IL33: variants seen among roughly 807,000 people sequenced by gnomAD.
The protein encoded by IL33 is interleukin 33.
IL33 carries 37 observed loss-of-function variants against 27.3 expected under a neutral mutation model. The observed-to-expected ratio is 1.36, with a 90% CI of 1.04 to 1.78. IL33 has a LOEUF of 1.78. IL33 is among the 40% of genes most tolerant of loss of function. The pLI is 0.00. For synonymous variants in IL33, 132 were observed against 102.9 expected, an observed-to-expected ratio of 1.28 and a Z score of -1.71; for missense variants, 406 against 311.4, an observed-to-expected ratio of 1.30 and a Z score of -2.29.
At chr9:6,248,764 A>T (rs960081539) in intron 2 of IL33, among the ~76,000 whole-genome samples, 2 of 151,410 alleles carry the variant, frequency 1.3e-5, no homozygotes, top group Non-Finnish European at 2.9e-5. Context: ...AATTTTTTGT[A>T]GAGACGGTCT....
chr9:6,252,988 A>T lies in IL33; in HGVS notation c.466A>T (p.Lys156Ter). 1 of 1,510,452 alleles carries T rather than the reference A, an allele frequency of 6.6e-7. No homozygotes were observed. The highest frequency in any genetic ancestry group is 9.0e-7 in the Non-Finnish European group (1 of 1,109,562). The allele number at this position is 1,510,452 out of a possible 1,614,324, so 93.6% of individuals were successfully genotyped here. Reference protein sequence around the residue: ...YVEDLKKDEKKDKVLLSYYES... With the variant: ...YVEDLKKDEK ...TGAAGACTTGAAAAAAGATGAAAAG[A>T]AAGGTAGATTATTTTCTTTTTCTAT... The change falls in exon 5 of 8, where the codon AAA (lysine) becomes TAA (stop). Residue 156 changes from lysine to a stop codon, truncating the protein, a stop_gained. Transcript: ENST00000682010. LOFTEE classifies it high-confidence loss of function.
chr9:6,243,999 T>G (rs1033157287), intron 2 of IL33, among the ~76,000 whole-genome samples: 2 of 152,208 alleles, frequency 1.3e-5, no homozygotes, highest in Non-Finnish European at 2.9e-5. Flanking sequence ...GTCAAAATGC[T>G]CTCTGTAGAA....
chr9:6,253,464 G>C, intron 5 of IL33, 88 bp from the exon 6 acceptor site: 1 of 839,610 alleles, frequency 1.2e-6, no homozygotes, highest in Non-Finnish European at 1.9e-6. Flanking sequence ...TAAAAGGGGA[G>C]GATATTTTCT....
intron 2 of IL33, among the ~76,000 whole-genome samples, chr9:6,243,292 AG>A (rs1203266426): frequency 1.3e-5 from 2 of 152,314 alleles, no homozygotes; most frequent in East Asian, 1.9e-4. Flanking sequence ...CTGAGATTAA[AG>A]GGCTGTATAA....
At chr9:6,228,315 A>G (rs1230449044) in intron 1 of IL33, among the ~76,000 whole-genome samples, 6 of 152,110 alleles carry the variant, frequency 3.9e-5, no homozygotes, top group African/African-American at 1.4e-4. Flanking sequence ...ATAAAAAACA[A>G]AAACAAAAAA....
At chr9:6,231,242 C>T (rs1428697495) in intron 1 of IL33, among the ~76,000 whole-genome samples, 1 of 152,164 alleles carries the variant, frequency 6.6e-6, no homozygotes, top group South Asian at 2.1e-4. Flanking sequence ...CTTCTCAATG[C>T]ACTCTGAATG....
At chr9:6,225,189 T>G (rs1296025316) in intron 1 of IL33, among the ~76,000 whole-genome samples, 1 of 152,208 alleles carries the variant, frequency 6.6e-6, no homozygotes, top group South Asian at 2.1e-4. Context: ...CCAAAAAATG[T>G]GAGCAGTTTC....
chr9:6,252,690 T>G (rs149045797), intron 4 of IL33, among the ~76,000 whole-genome samples, 176 bp from the exon 5 acceptor site: 302 of 152,298 alleles, frequency 2.0e-3, no homozygotes, highest in Non-Finnish European at 3.7e-3. Context: ...TTAATCCCAT[T>G]CAAGGGTCAC....
At chr9:6,237,287 G>GA (rs1390577826) in intron 1 of IL33, among the ~76,000 whole-genome samples, 6 of 152,124 alleles carry the variant, frequency 3.9e-5, no homozygotes, top group Non-Finnish European at 8.8e-5. Context: ...ATTTTAGTAT[G>GA]AAAAAAATGG....
chr9:6,238,396 T>C (rs143620715), intron 1 of IL33, among the ~76,000 whole-genome samples: 48 of 152,292 alleles, frequency 3.2e-4, no homozygotes, highest in African/African-American at 1.1e-3. Context: ...TTTACTCCCA[T>C]GGCAAGACTG....
chr9:6,248,398 G>C (rs1820003194), intron 2 of IL33, among the ~76,000 whole-genome samples: 1 of 151,772 alleles, frequency 6.6e-6, no homozygotes, highest in Admixed American at 6.6e-5. Flanking sequence ...GATTACTGCT[G>C]TTATCATGGG....
chr9:6,250,514 T>C lies in IL33; in HGVS notation c.132T>C (p.Phe44=). The change falls in exon 3 of 8, where the codon TTT becomes TTC. Residue 44 remains phenylalanine, a synonymous_variant. Coordinates refer to ENST00000682010, the MANE Select transcript of IL33 (RefSeq NM_033439.4). ...CCAAAGAAGTTTGCCCCATGTACTTTATGAAGCTCCGCTCTGGCCTTATGA... is the reference window on the plus strand; with the variant it reads ...CCAAAGAAGTTTGCCCCATGTACTTCATGAAGCTCCGCTCTGGCCTTATGA... ...QKAKEVCPMY[F]MKLRSGLMIK... The C allele has an allele frequency of 6.2e-7, 1 of 1,613,980 alleles. No homozygotes were observed. Among genetic ancestry groups the C allele is most frequent in the African/African-American group, 1.3e-5 (1 of 75,038 alleles).
intron 1 of IL33, among the ~76,000 whole-genome samples, chr9:6,232,317 G>A (rs1818964993): frequency 6.6e-6 from 1 of 152,186 alleles, no homozygotes; most frequent in African/African-American, 2.4e-5. Flanking sequence ...ACGCAAATTT[G>A]CATCTTTGAA....
At chr9:6,243,868 C>T (rs1187328419) in intron 2 of IL33, among the ~76,000 whole-genome samples, 1 of 152,158 alleles carries the variant, frequency 6.6e-6, no homozygotes, top group Non-Finnish European at 1.5e-5. Flanking sequence ...CTCATTCTGT[C>T]TTCCCTGAGG....
At chr9:6,252,458 A>T (rs1816459270) in intron 4 of IL33, among the ~76,000 whole-genome samples, 1 of 152,204 alleles carries the variant, frequency 6.6e-6, no homozygotes, top group South Asian at 2.1e-4. Context: ...GGACTGTCAG[A>T]AACTTCTGGG....
chr9:6,223,565 A>G (rs370272642), intron 1 of IL33, among the ~76,000 whole-genome samples: 1 of 152,192 alleles, frequency 6.6e-6, no homozygotes, highest in Non-Finnish European at 1.5e-5. Context: ...TCTTTAAAAC[A>G]TAACATTATT....
intron 1 of IL33, among the ~76,000 whole-genome samples, chr9:6,228,783 GT>G (rs1818777044): frequency 6.7e-6 from 1 of 150,336 alleles, no homozygotes; most frequent in South Asian, 2.1e-4. Context: ...GAACCTAGGA[GT>G]TCAGTGAGGC....
In IL33 at chr9:6,241,745, G is replaced by T. The variant is rs763483741; in HGVS notation, c.51G>T (p.Trp17Cys). 6.2e-7 allele frequency: 1 copy of T among 1,611,872 alleles called. No individual in the cohort carries two copies. Among genetic ancestry groups the T allele is most frequent in the Non-Finnish European group, 8.5e-7 (1 of 1,178,716 alleles). ...CCAACAAAATTTCCACAGCAAAGTG[G>T]AAGAACACAGCAAGCAAAGCCTTGT... ...YSTNKISTAKWKNTASKALCF... is the reference protein window; with the variant it reads ...YSTNKISTAKCKNTASKALCF... The change falls in exon 2 of 8, where the codon TGG (tryptophan) becomes TGT (cysteine). Residue 17 changes from tryptophan to cysteine, a missense_variant. Physicochemically the swap from Trp to Cys is radical, Grantham distance 215. Transcript: ENST00000682010.
chr9:6,254,440 T>A (rs1267259564), intron 6 of IL33, 22 bp from the exon 7 acceptor site: 1 of 1,485,484 alleles, frequency 6.7e-7, no homozygotes, highest in South Asian at 1.3e-5. Flanking sequence ...AACTTTATCA[T>A]TTATACTTTC....
Sources: gnomAD v4.1 joint callset for allele counts (sites outside exome capture counted in the v4.1 genomes callset) on GRCh38, gnomAD v4.1.1 for gene constraint, MANE v1.5 for transcripts, NCBI Gene and HGNC (gene_info 2026-07-23, HGNC 2026-07-21) for gene names.